CDH18: variants seen among roughly 807,000 people sequenced by gnomAD.
CDH18 encodes the protein cadherin 18.
A neutral mutation model predicts 67.9 loss-of-function variants in CDH18; 31 were observed. The observed-to-expected ratio is 0.46, with a 90% CI of 0.34 to 0.62. The LOEUF (loss-of-function observed/expected upper bound fraction) is 0.62, where lower values mean the gene tolerates loss of function less well. CDH18 is among the 20% of genes least tolerant of loss of function. The probability of loss-of-function intolerance (pLI) is 0.01; values close to 1 mark genes in which losing one functional copy is unlikely to be tolerated. For missense variants in CDH18, 890 were observed against 975.5 expected, an observed-to-expected ratio of 0.91 and a Z score of 1.17; for synonymous variants, 362 against 347.2, an observed-to-expected ratio of 1.04 and a Z score of -0.48.
intron 3 of CDH18, among the ~76,000 whole-genome samples, chr5:19,803,406 T>G (rs1343564556): frequency 6.6e-6 from 1 of 152,212 alleles, no homozygotes; most frequent in East Asian, 1.9e-4. Flanking sequence ...AGACACATAT[T>G]TAAATTTAAA....
chr5:20,081,370 T>G (rs374056180), intron 2 of CDH18, among the ~76,000 whole-genome samples: 1 of 152,194 alleles, frequency 6.6e-6, no homozygotes, highest in South Asian at 2.1e-4. Flanking sequence ...ACTAGGAGAC[T>G]AAACTAGTTC....
chr5:20,015,338 G>GAGCATGGTCCACCTATCAGAA (rs1229822099), intron 2 of CDH18, among the ~76,000 whole-genome samples: 2 of 152,066 alleles, frequency 1.3e-5, no homozygotes, highest in Non-Finnish European at 2.9e-5. Flanking sequence ...CTGAGTAATT[G>GAGCATGGTCCACCTATCAGAA]AGCATGGTCC....
chr5:20,046,727 T>C (rs570896695), intron 2 of CDH18, among the ~76,000 whole-genome samples: 1 of 151,068 alleles, frequency 6.6e-6, no homozygotes, highest in African/African-American at 2.4e-5. Context: ...AGTCAACACA[T>C]GAAATGTTTA....
chr5:20,142,305 T>G (rs1265203385), intron 2 of CDH18, among the ~76,000 whole-genome samples: 1 of 152,064 alleles, frequency 6.6e-6, no homozygotes, highest in Admixed American at 6.6e-5. Flanking sequence ...CCAGCCCAGT[T>G]GTGGTGGTTC....
intron 1 of CDH18, among the ~76,000 whole-genome samples, chr5:20,340,557 C>A (rs2150042498): frequency 6.6e-6 from 1 of 152,290 alleles, no homozygotes; most frequent in Non-Finnish European, 1.5e-5. Context: ...CACTGGAAGG[C>A]TCACTGTCCC....
intron 2 of CDH18, among the ~76,000 whole-genome samples, chr5:19,954,254 T>A (rs193096813): frequency 3.9e-4 from 59 of 152,206 alleles, no homozygotes; most frequent in Admixed American, 9.8e-4. Context: ...ATTGATCCAA[T>A]TTTAGGAAAA....
chr5:20,169,108 G>T (rs1440599584), intron 2 of CDH18, among the ~76,000 whole-genome samples: 1 of 152,048 alleles, frequency 6.6e-6, no homozygotes, highest in Non-Finnish European at 1.5e-5. Flanking sequence ...TAACTTAATT[G>T]TACATTTCAA....
At chr5:19,993,855 T>C (rs1383818107) in intron 2 of CDH18, among the ~76,000 whole-genome samples, 1 of 152,154 alleles carries the variant, frequency 6.6e-6, no homozygotes, top group Non-Finnish European at 1.5e-5. Context: ...CTGATGAAGA[T>C]ATTCGGCTCA....
At chr5:19,869,693 A>G (rs1316615970) in intron 2 of CDH18, among the ~76,000 whole-genome samples, 1 of 152,118 alleles carries the variant, frequency 6.6e-6, no homozygotes. Flanking sequence ...ATTTTATATA[A>G]GGCATTAGTA....
At chr5:20,296,064 C>A (rs1263414236) in intron 1 of CDH18, among the ~76,000 whole-genome samples, 1 of 150,818 alleles carries the variant, frequency 6.6e-6, no homozygotes, top group Non-Finnish European at 1.5e-5. Flanking sequence ...TTAGTAGAGA[C>A]GGGGTTTCGC....
intron 2 of CDH18, among the ~76,000 whole-genome samples, chr5:19,932,528 C>A (rs931338488): frequency 7.3e-5 from 11 of 151,616 alleles, no homozygotes; most frequent in African/African-American, 2.7e-4. Context: ...TCCACTAGGC[C>A]TTGTCTTAAC....
At chr5:20,502,137 C>G (rs572910744) in intron 1 of CDH18, among the ~76,000 whole-genome samples, 4 of 152,172 alleles carry the variant, frequency 2.6e-5, no homozygotes, top group African/African-American at 9.6e-5. Flanking sequence ...GATTGCTTAT[C>G]TTGCAGAAGA....
At chr5:20,185,265 C>G (rs1738001838) in intron 2 of CDH18, among the ~76,000 whole-genome samples, 1 of 152,066 alleles carries the variant, frequency 6.6e-6, no homozygotes, top group Admixed American at 6.6e-5. Flanking sequence ...TCTTCATCCA[C>G]AGTCCACTAT....
chr5:19,532,728 C>G (rs371932699), intron 9 of CDH18, among the ~76,000 whole-genome samples: 2 of 152,068 alleles, frequency 1.3e-5, no homozygotes, highest in Admixed American at 1.3e-4. Context: ...GAAAGTTGTT[C>G]GAACTGCGGT....
intron 3 of CDH18, among the ~76,000 whole-genome samples, chr5:19,782,159 A>T (rs1180401177): frequency 1.3e-5 from 2 of 152,148 alleles, no homozygotes; most frequent in Non-Finnish European, 2.9e-5. Flanking sequence ...TAATTTACTC[A>T]TAGTTCCACA....
At chr5:20,040,234 T>C (rs1307116055) in intron 2 of CDH18, among the ~76,000 whole-genome samples, 4 of 151,780 alleles carry the variant, frequency 2.6e-5, no homozygotes, top group Non-Finnish European at 5.9e-5. Context: ...TGTATACCTA[T>C]GCAACAAACA....
chr5:20,104,758 T>C (rs886242117), intron 2 of CDH18, among the ~76,000 whole-genome samples: 61 of 152,086 alleles, frequency 4.0e-4, no homozygotes, highest in African/African-American at 1.3e-3. Context: ...GAGATCTTTA[T>C]TCTAATGCTA....
chr5:19,755,894 A>C (rs1319572338), intron 3 of CDH18, among the ~76,000 whole-genome samples: 1 of 152,040 alleles, frequency 6.6e-6, no homozygotes, highest in Non-Finnish European at 1.5e-5. Context: ...TTAAGGGTGG[A>C]TCTGCCTTCC....
rs866366303 is a variant in CDH18 at position 19,612,445 on chromosome 5, C to T, written c.800G>A (p.Arg267His). ...TLTDVNDNPP[R>H]FPQKHYQLYV... ...AAACAAATACGTACTTTGAGGAAAGCGTGGTGGGTTGTCATTGACATCGGT... is the reference window on the plus strand; with the variant it reads ...AAACAAATACGTACTTTGAGGAAAGTGTGGTGGGTTGTCATTGACATCGGT... Residue 267 changes from arginine (R) to histidine (H), a missense_variant, in exon 6 of 13, where the codon CGC becomes CAC. This residue lies in a region of CDH18 where 656 missense variants were observed against 668.1 expected (regional missense o/e 0.98). Transcript: ENST00000382275. 1.4e-5 allele frequency: 22 copies of T among 1,613,660 alleles called. No homozygotes were observed. The highest frequency in any genetic ancestry group is 4.0e-5 in the African/African-American group (3 of 74,858).
Sources: gnomAD v4.1 joint callset for allele counts (sites outside exome capture counted in the v4.1 genomes callset) on GRCh38, gnomAD v4.1.1 for gene constraint, gnomAD v4.1.1 regional missense constraint, MANE v1.5 for transcripts, NCBI Gene and HGNC (gene_info 2026-07-23, HGNC 2026-07-21) for gene names.